Variants in GRIN2B observed in about 807,000 individuals in gnomAD.
The protein encoded by GRIN2B is glutamate ionotropic receptor NMDA type subunit 2B.
A neutral mutation model predicts 114.5 loss-of-function variants in GRIN2B; 5 were observed. That is an observed-to-expected ratio of 0.04 (90% CI 0.02 to 0.09). GRIN2B has a LOEUF of 0.09. GRIN2B is among the 10% of genes least tolerant of loss of function. The probability of loss-of-function intolerance (pLI) is 1.00; values close to 1 mark genes in which losing one functional copy is unlikely to be tolerated. For synonymous variants in GRIN2B, 787 were observed against 745.1 expected (o/e 1.06, Z -0.92); for missense variants, 1,108 against 1,943.5 (o/e 0.57, Z 8.08).
intron 10 of GRIN2B, among the ~76,000 whole-genome samples, chr12:13,594,492 G>T (rs2136445912): frequency 6.6e-6 from 1 of 151,890 alleles, no homozygotes; most frequent in Non-Finnish European, 1.5e-5. Context: ...CACGGACACA[G>T]GGAGGGGAAC....
chr12:13,735,381 C>A (rs1454212492), intron 4 of GRIN2B, among the ~76,000 whole-genome samples: 3 of 152,188 alleles, frequency 2.0e-5, no homozygotes, highest in African/African-American at 4.8e-5. Flanking sequence ...TTGTTGGGGT[C>A]TTTGTCATGC....
At chr12:13,583,163 C>T (rs1948874767) in intron 10 of GRIN2B, among the ~76,000 whole-genome samples, 1 of 152,062 alleles carries the variant, frequency 6.6e-6, no homozygotes, top group African/African-American at 2.4e-5. Flanking sequence ...GGGCATAAAC[C>T]ACATATAAGC....
chr12:13,728,821 C>G (rs1251937699), intron 4 of GRIN2B, among the ~76,000 whole-genome samples: 1 of 152,204 alleles, frequency 6.6e-6, no homozygotes, highest in Non-Finnish European at 1.5e-5. Flanking sequence ...AGTTGTTTAA[C>G]TCTAGTCAGA....
chr12:13,599,778 T>C (rs950095054), intron 10 of GRIN2B, among the ~76,000 whole-genome samples: 2 of 152,226 alleles, frequency 1.3e-5, no homozygotes, highest in Admixed American at 6.5e-5. Context: ...ATTTGAAATT[T>C]GGTGGGAATC....
rs2136470347 is a variant in GRIN2B, at chr12:13,608,711, C to T, written c.1902G>A (p.Val634=). 6.2e-7 allele frequency: 1 copy of T among 1,614,148 alleles called. No individual in the cohort carries two copies. Among genetic ancestry groups the T allele is most frequent in the Non-Finnish European group, 8.5e-7 (1 of 1,180,008 alleles). Residue 634 remains valine, a synonymous_variant, in exon 10 of 14, where the codon GTG becomes GTA. Coordinates refer to ENST00000609686, the MANE Select transcript of GRIN2B (RefSeq NM_000834.5). ...KGTTSKIMVS[V]WAFFAVIFLA... ...GGAAGATGACAGCAAAGAAGGCCCA[C>T]ACTGACACCATGATCTTGGAGGTGG...
intron 4 of GRIN2B, among the ~76,000 whole-genome samples, chr12:13,680,259 G>C (rs564741174): frequency 5.9e-5 from 9 of 152,024 alleles, no homozygotes; most frequent in African/African-American, 1.9e-4. Flanking sequence ...ACCTCGAAAC[G>C]TTCATGTGTG....
chr12:13,865,961 G>A lies in GRIN2B; in HGVS notation c.248C>T (p.Thr83Ile), dbSNP rs797045607. 2 of 1,614,096 alleles carry A rather than the reference G, an allele frequency of 1.2e-6. No homozygotes were observed. The highest frequency in any genetic ancestry group is 1.7e-6 in the Non-Finnish European group (2 of 1,179,990). Residue 83 changes from threonine to isoleucine, a missense_variant, in exon 3 of 14, where the codon ACC (threonine) becomes ATC (isoleucine). Physicochemically the swap from Thr to Ile is moderately conservative, Grantham distance 89 (BLOSUM62 -1). Coordinates refer to ENST00000609686, the MANE Select transcript of GRIN2B (RefSeq NM_000834.5). ...MNETDPKSIITRICDLMSDRK... is the reference protein window; with the variant it reads ...MNETDPKSIIIRICDLMSDRK... The stretch of plus-strand genomic sequence containing the variant: ...GTCAGACATGAGATCACAGATGCGG[G>A]TGATGATGCTCTTTGGGTCGGTCTC...
chr12:13,916,660 C>A (rs1436654150), intron 2 of GRIN2B, among the ~76,000 whole-genome samples: 1 of 151,132 alleles, frequency 6.6e-6, no homozygotes, highest in Non-Finnish European at 1.5e-5. Context: ...CCAGCCTGGG[C>A]AGCAAAGCAA....
At chr12:13,829,373 C>G (rs1298220020) in intron 3 of GRIN2B, among the ~76,000 whole-genome samples, 1 of 152,160 alleles carries the variant, frequency 6.6e-6, no homozygotes, top group East Asian at 1.9e-4. Flanking sequence ...ATACTAGGTA[C>G]TCAATATGTG....
intron 3 of GRIN2B, among the ~76,000 whole-genome samples, chr12:13,773,740 G>A (rs1443419613): frequency 6.6e-6 from 1 of 152,094 alleles, no homozygotes; most frequent in African/African-American, 2.4e-5. Context: ...CTGAGACCAT[G>A]GACAGCAAAG....
chr12:13,674,103 T>C (rs1486516268), intron 5 of GRIN2B, among the ~76,000 whole-genome samples: 1 of 152,044 alleles, frequency 6.6e-6, no homozygotes, highest in Non-Finnish European at 1.5e-5. Context: ...CACACACCTG[T>C]AATTCCAGTG....
At chr12:13,975,537 T>C (rs1863005307) in intron 2 of GRIN2B, among the ~76,000 whole-genome samples, 1 of 152,226 alleles carries the variant, frequency 6.6e-6, no homozygotes, top group Non-Finnish European at 1.5e-5. Flanking sequence ...TTCTAAAGTA[T>C]CACATAGCTC....
chr12:13,597,778 C>G (rs1949094778), intron 10 of GRIN2B, among the ~76,000 whole-genome samples: 1 of 152,184 alleles, frequency 6.6e-6, no homozygotes, highest in South Asian at 2.1e-4. Context: ...GTTCAAAATA[C>G]CAAGGACCTG....
intron 3 of GRIN2B, among the ~76,000 whole-genome samples, chr12:13,820,871 A>C (rs953255780): frequency 6.6e-6 from 1 of 152,088 alleles, no homozygotes; most frequent in African/African-American, 2.4e-5. Flanking sequence ...CACTGCTACC[A>C]AGAAGAGCTT....
At chr12:13,582,307 CA>C (rs1948863890) in intron 10 of GRIN2B, among the ~76,000 whole-genome samples, 1 of 152,138 alleles carries the variant, frequency 6.6e-6, no homozygotes, top group South Asian at 2.1e-4. Flanking sequence ...CAAATTCATT[CA>C]AAAGGCATGG....
intron 3 of GRIN2B, among the ~76,000 whole-genome samples, chr12:13,773,206 C>G (rs1452817428): frequency 6.6e-6 from 1 of 152,188 alleles, no homozygotes; most frequent in Non-Finnish European, 1.5e-5. Flanking sequence ...ATGAAAGAGA[C>G]AAAATATCCT....
chr12:13,717,114 CA>C (rs1454970503), intron 4 of GRIN2B, among the ~76,000 whole-genome samples: 1 of 146,498 alleles, frequency 6.8e-6, no homozygotes, highest in Non-Finnish European at 1.5e-5. Context: ...TTCACTCAAT[CA>C]TTACAGAGAC....
At chr12:13,583,442 G>A (rs1948878412) in intron 10 of GRIN2B, among the ~76,000 whole-genome samples, 1 of 152,166 alleles carries the variant, frequency 6.6e-6, no homozygotes. Context: ...GAAACTATCA[G>A]AGCAAGGATT....
intron 3 of GRIN2B, among the ~76,000 whole-genome samples, chr12:13,844,627 G>T (rs897903599): frequency 2.6e-5 from 4 of 152,078 alleles, no homozygotes; most frequent in Admixed American, 2.6e-4. Flanking sequence ...TAACTTAGGG[G>T]CCAGAAGACC....
Sources: allele counts gnomAD v4.1 joint callset (sites outside exome capture counted in the v4.1 genomes callset), GRCh38; gene constraint gnomAD v4.1.1; transcripts MANE v1.5; gene names NCBI Gene and HGNC (gene_info 2026-07-23, HGNC 2026-07-21).